The following AUH variants were observed in gnomAD, a reference collection of about 807,000 sequenced individuals.
AUH encodes methylglutaconyl-CoA hydratase, mitochondrial.
In AUH, 29 loss-of-function variants were observed where a neutral mutation model predicts 42.3. The ratio of observed to expected loss-of-function variants is 0.69; its 90% CI spans 0.51 to 0.93. AUH has a LOEUF of 0.93. Ranked by LOEUF, AUH falls within the 40% of genes least tolerant of loss-of-function variation. The pLI, the probability that AUH is intolerant of heterozygous loss-of-function variation, is 0.00. For synonymous variants in AUH, 174 were observed against 166.4 expected, an observed-to-expected ratio of 1.05 and a Z score of -0.35; for missense variants, 452 against 438.1, an observed-to-expected ratio of 1.03 and a Z score of -0.28.
At chr9:91,302,988 G>A (rs1302969509) in intron 4 of AUH, among the ~76,000 whole-genome samples, 1 of 152,162 alleles carries the variant, frequency 6.6e-6, no homozygotes, top group Non-Finnish European at 1.5e-5. Context: ...CAACCAATAG[G>A]ATCAGATACT....
intron 7 of AUH, chr9:91,218,622 A>G: frequency 1.0e-6 from 1 of 985,316 alleles, no homozygotes; most frequent in Non-Finnish European, 1.2e-6. Flanking sequence ...AAGCCATGAG[A>G]AAAACAGGAA....
chr9:91,250,700 G>C (rs1829077728), intron 6 of AUH, among the ~76,000 whole-genome samples: 4 of 152,204 alleles, frequency 2.6e-5, no homozygotes, highest in Admixed American at 2.6e-4. Flanking sequence ...TCTCTCTGGA[G>C]TACAGCACCC....
chr9:91,267,966 A>G (rs1276860539), intron 6 of AUH, among the ~76,000 whole-genome samples: 2 of 152,160 alleles, frequency 1.3e-5, no homozygotes, highest in East Asian at 3.9e-4. Context: ...CTGGACTCAC[A>G]GATCTATCCT....
At chr9:91,257,200 T>C (rs1424935218) in intron 6 of AUH, among the ~76,000 whole-genome samples, 2 of 151,970 alleles carry the variant, frequency 1.3e-5, no homozygotes, top group Non-Finnish European at 2.9e-5. Flanking sequence ...GGTAGCAGTA[T>C]TATTACTAAA....
intron 4 of AUH, among the ~76,000 whole-genome samples, chr9:91,321,506 T>C (rs1460711355): frequency 2.0e-5 from 3 of 152,162 alleles, no homozygotes; most frequent in African/African-American, 7.2e-5. Context: ...AAAAGCTTTA[T>C]GACTCCAAAA....
At chr9:91,293,972 T>C (rs117603960) in intron 6 of AUH, among the ~76,000 whole-genome samples, 2,402 of 152,322 alleles carry the variant, frequency 0.016, 36 homozygotes, top group Non-Finnish European at 0.023. Flanking sequence ...TTAAGAACTA[T>C]GCTAAGTTAA....
chr9:91,252,371 A>G (rs1057418835), intron 6 of AUH, among the ~76,000 whole-genome samples: 36 of 152,148 alleles, frequency 2.4e-4, no homozygotes, highest in Admixed American at 9.8e-4. Flanking sequence ...AAAAAGCATA[A>G]AACAGCAGCA....
chr9:91,219,899 A>G (rs58493480), intron 7 of AUH, among the ~76,000 whole-genome samples: 4,811 of 152,324 alleles, frequency 0.032, 266 homozygotes, highest in African/African-American at 0.11. Context: ...CATTCCCAAA[A>G]AGATCCACAG....
chr9:91,346,057 T>C (rs1831485765), intron 3 of AUH, among the ~76,000 whole-genome samples: 1 of 151,866 alleles, frequency 6.6e-6, no homozygotes, highest in Non-Finnish European at 1.5e-5. Flanking sequence ...GGCCCAAAGC[T>C]CCTAAAACCC....
At chr9:91,349,599 C>T (rs547878173) in intron 3 of AUH, among the ~76,000 whole-genome samples, 9 of 152,044 alleles carry the variant, frequency 5.9e-5, no homozygotes, top group Admixed American at 5.9e-4. Context: ...ACTACATAAA[C>T]ATTTTGAAAT....
intron 6 of AUH, among the ~76,000 whole-genome samples, chr9:91,240,147 C>A (rs1180792312): frequency 6.6e-6 from 1 of 152,138 alleles, no homozygotes; most frequent in Non-Finnish European, 1.5e-5. Context: ...ATTGTGATAT[C>A]TTTTTAAAAA....
chr9:91,317,988 A>G (rs756628395), intron 4 of AUH, among the ~76,000 whole-genome samples: 27 of 152,284 alleles, frequency 1.8e-4, no homozygotes, highest in South Asian at 1.2e-3. Context: ...TTTTGTTACA[A>G]TCTGCTGGAT....
At chr9:91,347,682 T>C (rs780857597) in intron 3 of AUH, among the ~76,000 whole-genome samples, 1 of 152,126 alleles carries the variant, frequency 6.6e-6, no homozygotes, top group African/African-American at 2.4e-5. Flanking sequence ...TCACAACATA[T>C]ATAAAAATTA....
intron 6 of AUH, among the ~76,000 whole-genome samples, chr9:91,288,956 G>A (rs1051626352): frequency 2.0e-5 from 3 of 151,862 alleles, no homozygotes; most frequent in Admixed American, 6.6e-5. Flanking sequence ...ATATTGCTAC[G>A]CAGGTCAAAG....
At position 91,220,990 on chromosome 9, in the gene AUH, C is replaced by G. The variant is rs1165561302; in HGVS notation, c.658G>C (p.Gly220Arg). 1.7e-5 allele frequency: 28 copies of G among 1,614,006 alleles called. No homozygotes were observed. The highest frequency in any genetic ancestry group is 2.4e-5 in the Non-Finnish European group (28 of 1,180,030). ...TKLAIIPGGG[G>R]TQRLPRAIGM... ...ATGGCGCGTGGCAATCGCTGTGTCC[C>G]CCCTGAGGGGTGAAAGAGAGAGAAA... Residue 220 changes from glycine (G) to arginine (R), a missense_variant and splice_region_variant, in exon 7 of 10, where the codon GGG becomes CGG. Physicochemically the swap from Gly to Arg is moderately radical, Grantham distance 125. Transcript: ENST00000375731.
At chr9:91,264,761 A>G (rs1829882915) in intron 6 of AUH, among the ~76,000 whole-genome samples, 1 of 152,176 alleles carries the variant, frequency 6.6e-6, no homozygotes, top group Non-Finnish European at 1.5e-5. Context: ...TATCTCTAAA[A>G]AGCAAAAAGA....
At chr9:91,246,912 A>AAGCAGCGGAGCCATGCC (rs1215837426) in intron 6 of AUH, among the ~76,000 whole-genome samples, 42 of 152,288 alleles carry the variant, frequency 2.8e-4, no homozygotes, top group African/African-American at 8.9e-4. Context: ...CATCATGCCT[A>AAGCAGCGGAGCCATGCC]AGCAGCGGAG....
intron 6 of AUH, among the ~76,000 whole-genome samples, chr9:91,248,790 T>A (rs1828943026): frequency 6.6e-6 from 1 of 152,116 alleles, no homozygotes; most frequent in African/African-American, 2.4e-5. Flanking sequence ...AACAAAAGGA[T>A]GTGATTTCAG....
At chr9:91,232,824 T>G (rs1440551851) in intron 6 of AUH, among the ~76,000 whole-genome samples, 1 of 152,212 alleles carries the variant, frequency 6.6e-6, no homozygotes, top group Non-Finnish European at 1.5e-5. Flanking sequence ...AACATTCAGC[T>G]GAAGAGGCAG....
Sources: allele counts gnomAD v4.1 joint callset (sites outside exome capture counted in the v4.1 genomes callset), GRCh38; gene constraint gnomAD v4.1.1; transcripts MANE v1.5; gene names NCBI Gene and HGNC (gene_info 2026-07-23, HGNC 2026-07-21).